The following PPP1R13B variants were observed in gnomAD, a reference collection of about 807,000 sequenced individuals.
PPP1R13B encodes the protein protein phosphatase 1 regulatory subunit 13B, also known as apoptosis-stimulating of p53 protein 1.
In PPP1R13B, 44 loss-of-function variants were observed where a neutral mutation model predicts 119.8. The observed-to-expected ratio is 0.37, with a 90% CI of 0.29 to 0.47. PPP1R13B has a LOEUF of 0.47. PPP1R13B is among the 20% of genes least tolerant of loss of function. The pLI is 0.99. For synonymous variants in PPP1R13B, 542 were observed against 561.5 expected (o/e 0.97, Z 0.49); for missense variants, 1,227 against 1,413.5 (o/e 0.87, Z 2.12).
At chr14:103,821,496 A>G (rs549328870) in intron 1 of PPP1R13B, among the ~76,000 whole-genome samples, 8 of 152,234 alleles carry the variant, frequency 5.3e-5, no homozygotes, top group Non-Finnish European at 1.2e-4. Context: ...TCACGCCTAT[A>G]ATCCCAGCAC....
chr14:103,753,334 C>A, intron 6 of PPP1R13B, 138 bp from the exon 7 acceptor site: 2 of 823,862 alleles, frequency 2.4e-6, no homozygotes, highest in Middle Eastern at 3.7e-4. Context: ...ATCCACAACA[C>A]ATTTCAAAAA....
intron 1 of PPP1R13B, among the ~76,000 whole-genome samples, chr14:103,809,276 C>A (rs2086091687): frequency 6.6e-6 from 1 of 152,146 alleles, no homozygotes; most frequent in South Asian, 2.1e-4. Context: ...TTAATAATTT[C>A]ACATTTTAAA....
In PPP1R13B at chr14:103,831,659, G is replaced by C. The variant is rs567605551; in HGVS notation, c.9+15640C>G. 8.6e-5 allele frequency among the ~76,000 whole-genome samples: 13 copies of C among 151,324 alleles called. No homozygotes were observed. In the South Asian group the frequency reaches 2.7e-3, roughly 32 times the overall value. ...CCTAGAAAATTTTAAATTGTGGCCG[G>C]GCGCAGTGGCTCACGCCTATAATCC... is the stretch of plus-strand genomic sequence containing the variant. On this transcript the variant is annotated intron_variant, in intron 1 of 16. Coordinates refer to ENST00000202556, the MANE Select transcript of PPP1R13B (RefSeq NM_015316.3).
chr14:103,804,701 T>C (rs1211256993), intron 1 of PPP1R13B, among the ~76,000 whole-genome samples: 1 of 151,560 alleles, frequency 6.6e-6, no homozygotes, highest in Non-Finnish European at 1.5e-5. Context: ...ACCACTATAC[T>C]ACAGCCTGGG....
At chr14:103,755,711 T>G (rs913787527) in intron 5 of PPP1R13B, among the ~76,000 whole-genome samples, 1 of 152,130 alleles carries the variant, frequency 6.6e-6, no homozygotes, top group Admixed American at 6.5e-5. Flanking sequence ...TATAACTATT[T>G]TGAACAGCAA....
intron 4 of PPP1R13B, chr14:103,763,097 G>A: frequency 2.1e-6 from 2 of 937,954 alleles, no homozygotes; most frequent in Admixed American, 2.1e-5. Flanking sequence ...AGGTTCCTGG[G>A]GTGGCCTGCA....
chr14:103,821,525 GCGGATCAC>G lies in PPP1R13B; in HGVS notation c.10-24015_10-24008del, dbSNP rs575980795. Among the ~76,000 whole-genome samples, 9 of 152,320 alleles carry G rather than the reference GCGGATCAC, an allele frequency of 5.9e-5. No individual in the cohort carries two copies. The East Asian group carries it at 1.5e-3, about 26-fold the overall frequency. ...CCAGCACTTTGGGAGGCTGAGGTGG[GCGGATCAC>G]CTGAGGTTGGGAGTTCGAGACCAGC... On this transcript the variant is annotated intron_variant, in intron 1 of 16. Coordinates refer to ENST00000202556, the MANE Select transcript of PPP1R13B (RefSeq NM_015316.3).
rs575185025 is a variant in PPP1R13B at position 103,825,265 on chromosome 14, C to T, written c.9+22034G>A. 1.6e-3 allele frequency among the ~76,000 whole-genome samples: 241 copies of T among 152,274 alleles called. 1 individual carries two copies. The highest frequency in any genetic ancestry group is 3.7e-3 in the Admixed American group (56 of 15,280). ...TCTCGAGCCTCCCTATTCCCTGAGA[C>T]ACATTATTGAAATCAGGCCAATTAA... On this transcript the variant is annotated intron_variant, in intron 1 of 16. Coordinates refer to ENST00000202556, the MANE Select transcript of PPP1R13B (RefSeq NM_015316.3).
At chr14:103,745,433 A>ATGC (rs1334274304) in intron 9 of PPP1R13B, among the ~76,000 whole-genome samples, 1 of 152,256 alleles carries the variant, frequency 6.6e-6, no homozygotes, top group African/African-American at 2.4e-5. Context: ...GGGATTCCTG[A>ATGC]TGCTGTGTGT....
At chr14:103,746,826 T>C (rs1023083359) in intron 8 of PPP1R13B, 1 of 273,934 alleles carries the variant, frequency 3.7e-6, no homozygotes, top group East Asian at 6.5e-5. Context: ...GTGATCCACA[T>C]GCAGCTTCCC....
chr14:103,737,914 C>T lies in PPP1R13B; in HGVS notation c.2865-54G>A, dbSNP rs1296337286. ...GCCTGGCACTGCCTGTCCTGTAGGACGTGGCCCTCAGAGATTTCCCTCTAA... is the reference window on the plus strand; with the variant it reads ...GCCTGGCACTGCCTGTCCTGTAGGATGTGGCCCTCAGAGATTTCCCTCTAA... On this transcript the variant is annotated intron_variant, in intron 14 of 16. Transcript: ENST00000202556. The T allele has an allele frequency of 9.7e-6, 15 of 1,546,356 alleles. No individual in the cohort carries two copies. The East Asian group carries it at 2.1e-4, about 22-fold the overall frequency.
rs763882484 is a variant in PPP1R13B at position 103,819,512 on chromosome 14, C to CAA, written c.10-21996_10-21995dup. ...AAATCTGTCTATTAAAAAAAACAAA[C>CAA]AAACAAAAAAAAACAACAACAAAAA... On this transcript the variant is annotated intron_variant, in intron 1 of 16. Transcript: ENST00000202556. 5.4e-4 allele frequency among the ~76,000 whole-genome samples: 77 copies of CAA among 143,680 alleles called. 1 individual carries two copies. The highest frequency in any genetic ancestry group is 1.3e-3 in the African/African-American group (51 of 37,814). The allele number at this position is 143,680 out of a possible 152,430, so 94.3% of individuals were successfully genotyped here.
chr14:103,747,727 G>T (rs532265611), intron 8 of PPP1R13B, among the ~76,000 whole-genome samples: 65 of 152,226 alleles, frequency 4.3e-4, no homozygotes, highest in Non-Finnish European at 8.5e-4. Context: ...CATCCTCATA[G>T]CTTAGCTCCC....
chr14:103,832,159 T>G (rs1488265485), intron 1 of PPP1R13B, among the ~76,000 whole-genome samples: 2 of 152,174 alleles, frequency 1.3e-5, no homozygotes, highest in African/African-American at 4.8e-5. Flanking sequence ...ATCTAAAATG[T>G]ATCCAGTTGC....
intron 1 of PPP1R13B, among the ~76,000 whole-genome samples, chr14:103,824,039 C>CTTTTTTTTTTT (rs35194586): frequency 1.3e-5 from 1 of 75,142 alleles, no homozygotes; most frequent in Non-Finnish European, 2.4e-5. Context: ...CTACCTCATC[C>CTTTTTTTTTTT]TTTTTTTTTT....
intron 1 of PPP1R13B, among the ~76,000 whole-genome samples, chr14:103,846,362 A>T (rs1595856586): frequency 6.6e-6 from 1 of 152,234 alleles, no homozygotes; most frequent in East Asian, 1.9e-4. Context: ...GCAATATTCA[A>T]GTAGAGAATG....
At chr14:103,763,216 G>C (rs1457789288) in intron 4 of PPP1R13B, 7 of 560,318 alleles carry the variant, frequency 1.2e-5, no homozygotes, top group Non-Finnish European at 9.7e-6. Flanking sequence ...AAATAGGGTT[G>C]AAAGGTTGAC....
chr14:103,735,300 C>CGT (rs2084074159), intron 16 of PPP1R13B, 105 bp from the exon 17 acceptor site: 2 of 1,080,290 alleles, frequency 1.9e-6, no homozygotes, highest in Admixed American at 3.5e-5. Flanking sequence ...GACAGCCGTG[C>CGT]AGCACCCTTG....
At chr14:103,761,205 T>C (rs1265761287) in intron 4 of PPP1R13B, among the ~76,000 whole-genome samples, 1 of 148,154 alleles carries the variant, frequency 6.7e-6, no homozygotes, top group Non-Finnish European at 1.5e-5. Flanking sequence ...GCCTGGGAGG[T>C]TGAGAATGCA....
Sources: gnomAD v4.1 joint callset for allele counts (sites outside exome capture counted in the v4.1 genomes callset) on GRCh38, gnomAD v4.1.1 for gene constraint, MANE v1.5 for transcripts, NCBI Gene and HGNC (gene_info 2026-07-23, HGNC 2026-07-21) for gene names.